CCDC9: variants seen among roughly 807,000 people sequenced by gnomAD.
CCDC9 encodes coiled-coil domain containing 9.
A neutral mutation model predicts 65.6 loss-of-function variants in CCDC9; 52 were observed. That is an observed-to-expected ratio of 0.79 (90% CI 0.63 to 1.00). The LOEUF is 1.00. Ranked by LOEUF, CCDC9 falls within the 50% of genes least tolerant of loss-of-function variation. The pLI is 0.00. For missense variants in CCDC9, 834 were observed against 757.2 expected (o/e 1.10, Z -1.19); for synonymous variants, 332 against 280.3 (o/e 1.18, Z -1.84).
Position 47,271,684 on chromosome 19 carries a change from G to C in CCDC9, c.*6G>C. The C allele has an allele frequency of 6.6e-7, 1 of 1,513,592 alleles. No individual in the cohort carries two copies. The highest frequency in any genetic ancestry group is 8.9e-7 in the Non-Finnish European group (1 of 1,119,396). The allele number at this position is 1,513,592 out of a possible 1,614,324, so 93.8% of individuals were successfully genotyped here. ...GGCCTTTTGAGAGTGTATGAAGCTG[G>C]CTGCCTGTGTGTGTGTGTGTGTGTG... On this transcript the variant is annotated 3_prime_UTR_variant, in exon 12 of 12. Transcript: ENST00000221922.
Position 47,258,618 on chromosome 19 carries a change from C to T in CCDC9, c.63C>T (p.Ile21=), listed in dbSNP as rs779356635. ...EEKDAELDKR[I]EALRRKNEAL... ...AGGATGCTGAGTTGGACAAGAGGAT[C>T]GAGGCTCTTCGGCGGAAGAATGAGG... The change falls in exon 3 of 12, where the codon ATC becomes ATT. Residue 21 remains isoleucine, a synonymous_variant. Coordinates refer to ENST00000221922, the MANE Select transcript of CCDC9 (RefSeq NM_015603.3). The T allele has an allele frequency of 4.3e-6, 7 of 1,614,018 alleles. No homozygotes were observed. In the Admixed American group the frequency reaches 5.0e-5, roughly 12 times the overall value.
At position 47,271,271 on chromosome 19, in the gene CCDC9, A is replaced by C. The variant is rs1396663588; in HGVS notation, c.1192-3A>C. ...TTGCCCTGACTTGCCTGTGTCCCCAAAGCCACCCGAGATCCCAGCTCCTGC... is the reference window on the plus strand; with the variant it reads ...TTGCCCTGACTTGCCTGTGTCCCCACAGCCACCCGAGATCCCAGCTCCTGC... On this transcript the variant is annotated splice_polypyrimidine_tract_variant and splice_region_variant and intron_variant, in intron 11 of 11. Coordinates refer to ENST00000221922, the MANE Select transcript of CCDC9 (RefSeq NM_015603.3). 3.1e-6 allele frequency: 5 copies of C among 1,612,318 alleles called. No homozygotes were observed. Among genetic ancestry groups the C allele is most frequent in the Non-Finnish European group, 1.7e-6 (2 of 1,179,104 alleles).
chr19:47,261,711 CAAAAAA>C (rs758107358), intron 5 of CCDC9, among the ~76,000 whole-genome samples: 1 of 50,158 alleles, frequency 2.0e-5, no homozygotes, highest in Non-Finnish European at 3.5e-5. Flanking sequence ...GACTCTGTAT[CAAAAAA>C]AAAAAAAAAA....
downstream of CCDC9, chr19:47,273,339 A>T (rs994565453): frequency 1.6e-6 from 2 of 1,229,864 alleles, no homozygotes; most frequent in South Asian, 8.2e-5. Flanking sequence ...CCGCTGACTC[A>T]GCCCCTTCTC....
chr19:47,258,440 T>G, intron 2 of CCDC9, 37 bp downstream of exon 2: 11 of 1,613,800 alleles, frequency 6.8e-6, no homozygotes, highest in Non-Finnish European at 9.3e-6. Flanking sequence ...AATCTGAGTT[T>G]TGGGGAAGGG....
intron 6 of CCDC9, 36 bp from the exon 7 acceptor site, chr19:47,264,737 G>GGAGCCCGC: frequency 6.2e-7 from 1 of 1,603,678 alleles, no homozygotes; most frequent in African/African-American, 1.3e-5. Context: ...TGGGCTGCGG[G>GGAGCCCGC]GAGCCCGCGC....
downstream of CCDC9, chr19:47,273,694 C>T (rs967700248): frequency 2.3e-4 from 89 of 381,734 alleles, no homozygotes; most frequent in African/African-American, 1.7e-3. Flanking sequence ...CCCATGGAGG[C>T]CCTGGGCGGC....
downstream of CCDC9, chr19:47,274,805 G>A: frequency 5.5e-6 from 4 of 724,184 alleles, no homozygotes; most frequent in Non-Finnish European, 7.2e-6. Flanking sequence ...ATGCTGGCGG[G>A]GGCGGGGCCG....
chr19:47,272,166 G>A (rs559376235), downstream of CCDC9: 11 of 1,234,440 alleles, frequency 8.9e-6, no homozygotes, highest in African/African-American at 1.5e-4. Context: ...CTCCAGGTGG[G>A]GGAGTGCATG....
chr19:47,275,402 C>T (rs2059153368), downstream of CCDC9: 1 of 1,510,628 alleles, frequency 6.6e-7, no homozygotes, highest in South Asian at 1.2e-5. Context: ...CTGTGCTCCA[C>T]GCCGAGGATG....
intron 7 of CCDC9, among the ~76,000 whole-genome samples, chr19:47,265,573 C>G (rs35987859): frequency 4.6e-5 from 7 of 152,066 alleles, no homozygotes; most frequent in Non-Finnish European, 8.8e-5. Flanking sequence ...GTCAGTACCA[C>G]GTGGCTCTAG....
downstream of CCDC9, chr19:47,274,836 C>A (rs1330453908): frequency 2.3e-6 from 2 of 875,588 alleles, no homozygotes; most frequent in Non-Finnish European, 2.7e-6. Context: ...GTTTAGAGAG[C>A]GGGGCGGTCT....
chr19:47,273,056 G>C (rs901089780), downstream of CCDC9, among the ~76,000 whole-genome samples: 2 of 151,614 alleles, frequency 1.3e-5, no homozygotes, highest in Non-Finnish European at 2.9e-5. Flanking sequence ...GGAGAGGACA[G>C]TTTGCAGCCT....
intron 8 of CCDC9, among the ~76,000 whole-genome samples, chr19:47,268,937 A>G (rs2059099289): frequency 6.6e-6 from 1 of 151,432 alleles, no homozygotes; most frequent in South Asian, 2.1e-4. Flanking sequence ...TAATAATAAT[A>G]ATAATAATGT....
intron 5 of CCDC9, among the ~76,000 whole-genome samples, chr19:47,263,133 A>G (rs2059056607): frequency 6.6e-6 from 1 of 151,736 alleles, no homozygotes; most frequent in Non-Finnish European, 1.5e-5. Flanking sequence ...TTTTGCTACC[A>G]TGGAAGGAAG....
downstream of CCDC9, chr19:47,274,982 G>A: frequency 2.7e-6 from 4 of 1,463,552 alleles, no homozygotes; most frequent in Non-Finnish European, 3.6e-6. Flanking sequence ...GGCTGAGCGA[G>A]GGCCCGCGGG....
Position 47,271,363 on chromosome 19 carries a change from A to G in CCDC9, c.1281A>G (p.Ile427Met). ...AAGAGGATGAAGAATGGGAGGACAT[A>G]AGTGAGGATGAGGAAGAGGAGGAGA... ...EGEEDEEWED[I>M]SEDEEEEEIE... is the part of the protein sequence containing the mutation. Residue 427 changes from isoleucine to methionine, a missense_variant, in exon 12 of 12, where the codon ATA becomes ATG. By Grantham distance (10) the Ile-to-Met change is conservative (BLOSUM62 1). Transcript: ENST00000221922. 6.2e-7 allele frequency: 1 copy of G among 1,613,656 alleles called. No individual in the cohort carries two copies. The highest frequency in any genetic ancestry group is 1.3e-5 in the African/African-American group (1 of 74,978).
downstream of CCDC9, among the ~76,000 whole-genome samples, chr19:47,272,845 C>T (rs947822708): frequency 2.6e-5 from 4 of 152,244 alleles, no homozygotes; most frequent in East Asian, 7.7e-4. Flanking sequence ...AGGCCAAGCC[C>T]CTCTCCACCT....
At chr19:47,258,116 G>C (rs1225836371) in intron 1 of CCDC9, 1 of 534,086 alleles carries the variant, frequency 1.9e-6, no homozygotes, top group African/African-American at 1.9e-5. Context: ...GTTTACATGG[G>C]AACTGGGTGA....
Sources: gnomAD v4.1 joint callset for allele counts (sites outside exome capture counted in the v4.1 genomes callset) on GRCh38, gnomAD v4.1.1 for gene constraint, MANE v1.5 for transcripts, NCBI Gene and HGNC (gene_info 2026-07-23, HGNC 2026-07-21) for gene names.